The following EPHA5 variants were observed in gnomAD, a reference collection of about 807,000 sequenced individuals.
EPHA5 encodes the protein ephrin type-A receptor 5.
Under a neutral mutation model 105.0 loss-of-function variants are expected in EPHA5, and 60 were observed. The observed-to-expected ratio is 0.57, with a 90% CI of 0.46 to 0.71. The LOEUF (loss-of-function observed/expected upper bound fraction) is 0.71, where lower values mean the gene tolerates loss of function less well. Among genes scored for constraint, EPHA5 ranks in the 30% least tolerant of loss-of-function variants. EPHA5 has a pLI of 0.00. For synonymous variants in EPHA5, 513 were observed against 449.1 expected (o/e 1.14, Z -1.80); for missense variants, 1,218 against 1,274.7 (o/e 0.96, Z 0.68).
chr4:65,494,595 A>C (rs1731732395), intron 4 of EPHA5, among the ~76,000 whole-genome samples: 2 of 152,200 alleles, frequency 1.3e-5, no homozygotes, highest in African/African-American at 4.8e-5. Context: ...TGGAAAACCA[A>C]ATATACGGAA....
intron 5 of EPHA5, among the ~76,000 whole-genome samples, chr4:65,468,430 T>G (rs1728927415): frequency 6.7e-6 from 1 of 148,600 alleles, no homozygotes; most frequent in Non-Finnish European, 1.5e-5. Flanking sequence ...ATAAAATAAT[T>G]TATAAAATAA....
intron 5 of EPHA5, among the ~76,000 whole-genome samples, chr4:65,468,279 T>C (rs1728911104): frequency 6.6e-6 from 1 of 151,864 alleles, no homozygotes; most frequent in African/African-American, 2.4e-5. Flanking sequence ...TTTAGGTCAC[T>C]GAGCTTTTGA....
intron 8 of EPHA5, among the ~76,000 whole-genome samples, chr4:65,389,411 T>C (rs1720478469): frequency 6.6e-6 from 1 of 152,064 alleles, no homozygotes; most frequent in Admixed American, 6.6e-5. Flanking sequence ...TTCTCTGTAA[T>C]TGCACATTAT....
chr4:65,520,736 A>G (rs1185197665), intron 3 of EPHA5, among the ~76,000 whole-genome samples: 1 of 152,210 alleles, frequency 6.6e-6, no homozygotes, highest in African/African-American at 2.4e-5. Context: ...ACACTTCTCA[A>G]AAGAAGACAT....
intron 5 of EPHA5, among the ~76,000 whole-genome samples, chr4:65,433,070 G>A (rs1375167478): frequency 6.6e-6 from 1 of 151,990 alleles, no homozygotes; most frequent in East Asian, 1.9e-4. Flanking sequence ...ACTCGCTAAT[G>A]CAAAACATTA....
intron 3 of EPHA5, among the ~76,000 whole-genome samples, chr4:65,532,341 A>C (rs1450964103): frequency 6.6e-6 from 1 of 151,986 alleles, no homozygotes; most frequent in Non-Finnish European, 1.5e-5. Flanking sequence ...ATTTGAAAGA[A>C]AATTATTTAA....
chr4:65,349,951 A>G (rs1185320108), intron 13 of EPHA5, among the ~76,000 whole-genome samples: 2 of 152,086 alleles, frequency 1.3e-5, no homozygotes, highest in African/African-American at 4.8e-5. Context: ...CTCATCTCTC[A>G]GTGTATAGAT....
chr4:65,452,338 T>C (rs1317075851), intron 5 of EPHA5, among the ~76,000 whole-genome samples: 4 of 152,142 alleles, frequency 2.6e-5, no homozygotes, highest in African/African-American at 9.7e-5. Flanking sequence ...TTAACATGTA[T>C]AACAAATGTG....
At chr4:65,616,454 C>CACAGAGAG (rs1454115764) in intron 2 of EPHA5, among the ~76,000 whole-genome samples, 66 of 147,962 alleles carry the variant, frequency 4.5e-4, no homozygotes, top group African/African-American at 1.6e-3. Context: ...CACACACACA[C>CACAGAGAG]AGAGAGAGAG....
chr4:65,458,920 A>G lies in EPHA5; in HGVS notation c.1402+31457T>C, dbSNP rs547473836. Reference sequence around the variant, plus strand: ...AGAAGGCAAGTTAACATATTCATTAATATAAATCAAAATATCTTTCTCTTT... The same window carrying G: ...AGAAGGCAAGTTAACATATTCATTAGTATAAATCAAAATATCTTTCTCTTT... On this transcript the variant is annotated intron_variant, in intron 5 of 16. Coordinates refer to ENST00000613740, the MANE Select transcript of EPHA5 (RefSeq NM_001281766.3). Among the ~76,000 whole-genome samples the G allele has an allele frequency of 1.1e-4, 17 of 152,214 alleles. No homozygotes were observed. The South Asian group carries it at 3.3e-3, about 30-fold the overall frequency.
intron 8 of EPHA5, among the ~76,000 whole-genome samples, chr4:65,376,279 A>G (rs1161167754): frequency 6.6e-6 from 1 of 152,062 alleles, no homozygotes; most frequent in Non-Finnish European, 1.5e-5. Flanking sequence ...GTCTAGGAAG[A>G]AATTATCTGG....
At chr4:65,399,391 G>A (rs1010235937) in intron 8 of EPHA5, among the ~76,000 whole-genome samples, 5 of 152,166 alleles carry the variant, frequency 3.3e-5, no homozygotes, top group African/African-American at 1.2e-4. Flanking sequence ...GTGGGATTCA[G>A]GCTGGTAACA....
chr4:65,608,880 T>C (rs1419158199), intron 2 of EPHA5, among the ~76,000 whole-genome samples: 2 of 152,188 alleles, frequency 1.3e-5, no homozygotes, highest in Admixed American at 1.3e-4. Context: ...AAATTATTTT[T>C]TCTCTTTTTT....
intron 1 of EPHA5, among the ~76,000 whole-genome samples, chr4:65,662,895 G>T (rs1749671143): frequency 6.6e-6 from 1 of 151,824 alleles, no homozygotes; most frequent in South Asian, 2.1e-4. Context: ...AAAATTCCAG[G>T]CAAGTTATTG....
At chr4:65,395,027 C>T (rs1043328325) in intron 8 of EPHA5, among the ~76,000 whole-genome samples, 1 of 152,114 alleles carries the variant, frequency 6.6e-6, no homozygotes, top group African/African-American at 2.4e-5. Flanking sequence ...GCATTAAAAA[C>T]TCTGACATAA....
chr4:65,576,025 A>T (rs1740897890), intron 3 of EPHA5, among the ~76,000 whole-genome samples: 1 of 112,566 alleles, frequency 8.9e-6, no homozygotes, highest in Non-Finnish European at 1.8e-5. Flanking sequence ...AAAGAAAGAA[A>T]GAAAGAAAGA....
At chr4:65,650,022 A>G (rs960196572) in intron 1 of EPHA5, among the ~76,000 whole-genome samples, 3 of 152,200 alleles carry the variant, frequency 2.0e-5, no homozygotes. Context: ...ATATTAACAA[A>G]TGATATTGAT....
At chr4:65,582,131 AC>A (rs1321695159) in intron 3 of EPHA5, among the ~76,000 whole-genome samples, 1 of 151,462 alleles carries the variant, frequency 6.6e-6, no homozygotes, top group Non-Finnish European at 1.5e-5. Context: ...AATAAAAGGA[AC>A]TCCTCAGTGT....
intron 12 of EPHA5, among the ~76,000 whole-genome samples, 154 bp from the exon 13 acceptor site, chr4:65,351,752 T>C (rs985010139): frequency 7.2e-5 from 11 of 152,192 alleles, no homozygotes; most frequent in African/African-American, 2.6e-4. Flanking sequence ...GTAGGAAGTA[T>C]ATGGCTAACT....
Sources: allele counts gnomAD v4.1 joint callset (sites outside exome capture counted in the v4.1 genomes callset), GRCh38; gene constraint gnomAD v4.1.1; transcripts MANE v1.5; gene names NCBI Gene and HGNC (gene_info 2026-07-23, HGNC 2026-07-21).